Variants in DPYD observed in about 807,000 individuals in gnomAD.
DPYD encodes dihydropyrimidine dehydrogenase, also known as dihydropyrimidine dehydrogenase [NADP(+)].
Under a neutral mutation model 116.2 loss-of-function variants are expected in DPYD, and 109 were observed. The observed-to-expected ratio is 0.94, with a 90% CI of 0.80 to 1.10. The LOEUF (loss-of-function observed/expected upper bound fraction) is 1.10, where lower values mean the gene tolerates loss of function less well. Among genes scored for constraint, DPYD ranks in the 50% least tolerant of loss-of-function variants. The pLI, the probability that DPYD is intolerant of heterozygous loss-of-function variation, is 0.00. For synonymous variants in DPYD, 440 were observed against 432.0 expected (o/e 1.02, Z -0.23); for missense variants, 1,302 against 1,254.5 (o/e 1.04, Z -0.57).
chr1:97,195,244 T>C (rs187691383), intron 19 of DPYD, among the ~76,000 whole-genome samples: 171 of 152,076 alleles, frequency 1.1e-3, no homozygotes, highest in African/African-American at 3.9e-3. Flanking sequence ...TTTTCCCAGA[T>C]GTTGAATACC....
At chr1:97,746,391 AC>A (rs1664555472) in intron 3 of DPYD, among the ~76,000 whole-genome samples, 1 of 152,042 alleles carries the variant, frequency 6.6e-6, no homozygotes, top group Non-Finnish European at 1.5e-5. Context: ...AGAAACCACA[AC>A]CCCAATCAAG....
chr1:97,698,092 T>C (rs1571208926), intron 6 of DPYD, among the ~76,000 whole-genome samples: 1 of 151,964 alleles, frequency 6.6e-6, no homozygotes, highest in Non-Finnish European at 1.5e-5. Context: ...TAGGACATTT[T>C]ACTTTCCAGA....
At chr1:97,842,124 T>A (rs1321914750) in intron 2 of DPYD, among the ~76,000 whole-genome samples, 1 of 151,940 alleles carries the variant, frequency 6.6e-6, no homozygotes, top group Non-Finnish European at 1.5e-5. Flanking sequence ...TGTAGTCCCT[T>A]GTTGATAAAA....
intron 20 of DPYD, among the ~76,000 whole-genome samples, chr1:97,164,910 A>G (rs946189478): frequency 3.0e-4 from 45 of 151,144 alleles, no homozygotes; most frequent in African/African-American, 9.5e-4. Context: ...CGGTTTCACC[A>G]TGTTAGCCAG....
At chr1:97,260,325 T>C (rs1663793472) in intron 18 of DPYD, among the ~76,000 whole-genome samples, 2 of 152,016 alleles carry the variant, frequency 1.3e-5, no homozygotes, top group Admixed American at 6.6e-5. Flanking sequence ...AAATATTTAG[T>C]TTTTAAGATT....
At chr1:97,860,028 C>A (rs1462996689) in intron 2 of DPYD, among the ~76,000 whole-genome samples, 1 of 151,908 alleles carries the variant, frequency 6.6e-6, no homozygotes, top group Admixed American at 6.6e-5. Flanking sequence ...CTCAGATTTT[C>A]ATAAGTATGG....
intron 18 of DPYD, among the ~76,000 whole-genome samples, chr1:97,283,508 A>T (rs570673821): frequency 6.6e-6 from 1 of 152,252 alleles, no homozygotes; most frequent in East Asian, 1.9e-4. Context: ...GTGTCTTAGA[A>T]AAAAGCTCAT....
At chr1:97,838,620 T>C (rs1006158530) in intron 2 of DPYD, among the ~76,000 whole-genome samples, 18 of 145,340 alleles carry the variant, frequency 1.2e-4, no homozygotes, top group Non-Finnish European at 1.8e-4. Flanking sequence ...CCGAGGCGGG[T>C]GGATCATGAG....
At chr1:97,370,854 C>T (rs1671278417) in intron 16 of DPYD, among the ~76,000 whole-genome samples, 2 of 152,114 alleles carry the variant, frequency 1.3e-5, no homozygotes, top group African/African-American at 2.4e-5. Context: ...CTTTTAAACA[C>T]TTAGCAATGC....
intron 2 of DPYD, among the ~76,000 whole-genome samples, chr1:97,868,881 T>C (rs1390259461): frequency 6.6e-6 from 1 of 151,844 alleles, no homozygotes; most frequent in Non-Finnish European, 1.5e-5. Context: ...TGGTTGTCTA[T>C]ATCTCAAACA....
At chr1:97,330,413 G>A (rs1668926021) in intron 16 of DPYD, among the ~76,000 whole-genome samples, 1 of 152,112 alleles carries the variant, frequency 6.6e-6, no homozygotes, top group South Asian at 2.1e-4. Context: ...GTAGTGGGCT[G>A]CATGTTATAT....
At chr1:97,759,767 T>A (rs1488470412) in intron 3 of DPYD, among the ~76,000 whole-genome samples, 1 of 152,190 alleles carries the variant, frequency 6.6e-6, no homozygotes, top group Non-Finnish European at 1.5e-5. Context: ...AATAATTACA[T>A]ATTTATTTAT....
chr1:97,132,349 T>C lies in DPYD; in HGVS notation c.2623-33717A>G, dbSNP rs188765388. On this transcript the variant is annotated intron_variant, in intron 20 of 22. Coordinates refer to ENST00000370192, the MANE Select transcript of DPYD (RefSeq NM_000110.4). ...ATGCCTCTACAGATAAATACAATGT[T>C]GTATCTTATCACTAATCTATTCTAC... Among the ~76,000 whole-genome samples, 274 of 152,274 alleles carry C rather than the reference T, an allele frequency of 1.8e-3. 1 individual carries two copies. The highest frequency in any genetic ancestry group is 6.4e-3 in the African/African-American group (266 of 41,556).
chr1:97,626,800 C>T (rs1410863953), intron 8 of DPYD, among the ~76,000 whole-genome samples: 1 of 152,030 alleles, frequency 6.6e-6, no homozygotes, highest in Non-Finnish European at 1.5e-5. Flanking sequence ...AGTATTTTCT[C>T]AGTGACTTAA....
intron 3 of DPYD, among the ~76,000 whole-genome samples, chr1:97,796,127 G>A (rs937755940): frequency 2.0e-5 from 3 of 151,866 alleles, no homozygotes; most frequent in African/African-American, 4.8e-5. Context: ...CCATTTATAT[G>A]ACAATGATCA....
intron 18 of DPYD, among the ~76,000 whole-genome samples, chr1:97,290,241 G>C (rs1171550348): frequency 6.6e-6 from 1 of 152,142 alleles, no homozygotes; most frequent in South Asian, 2.1e-4. Context: ...AATCAATATC[G>C]TGAAAATGGC....
intron 13 of DPYD, among the ~76,000 whole-genome samples, chr1:97,472,256 G>C (rs1203944176): frequency 1.3e-5 from 2 of 152,088 alleles, no homozygotes; most frequent in Non-Finnish European, 2.9e-5. Context: ...TTAACTAAAG[G>C]GTTTGAGGAT....
At chr1:97,295,706 C>T in intron 18 of DPYD, 1 of 950,212 alleles carries the variant, frequency 1.1e-6, no homozygotes, top group South Asian at 4.9e-5. Context: ...GCTGGGATTC[C>T]ATGTGTGAGC....
intron 20 of DPYD, among the ~76,000 whole-genome samples, chr1:97,130,714 C>T (rs1192289156): frequency 7.7e-5 from 10 of 130,058 alleles, no homozygotes; most frequent in Admixed American, 1.5e-4. Context: ...CTCTCTCCCT[C>T]TCTCTTTCTT....
Sources: allele counts gnomAD v4.1 joint callset (sites outside exome capture counted in the v4.1 genomes callset), GRCh38; gene constraint gnomAD v4.1.1; transcripts MANE v1.5; gene names NCBI Gene and HGNC (gene_info 2026-07-23, HGNC 2026-07-21).